The following CLN6 variants were observed in gnomAD, a reference collection of about 807,000 sequenced individuals.
The protein encoded by CLN6 is ceroid-lipofuscinosis neuronal protein 6.
In CLN6, 22 loss-of-function variants were observed where a neutral mutation model predicts 33.3. The observed-to-expected ratio is 0.66, with a 90% confidence interval of 0.47 to 0.94. The LOEUF is 0.94. Among genes scored for constraint, CLN6 ranks in the 40% least tolerant of loss-of-function variants. The pLI, the probability that CLN6 is intolerant of heterozygous loss-of-function variation, is 0.00. For missense variants in CLN6, 387 were observed against 417.1 expected, an observed-to-expected ratio of 0.93 and a Z score of 0.63; for synonymous variants, 201 against 174.6, an observed-to-expected ratio of 1.15 and a Z score of -1.19.
chr15:68,229,402 C>G (rs2093261915), intron 1 of CLN6, 100 bp downstream of exon 1: 1 of 961,318 alleles, frequency 1.0e-6, no homozygotes, highest in Non-Finnish European at 1.4e-6. Context: ...GCGCCGCACA[C>G]GAGGTTCCCG....
rs1028907539 is a variant in CLN6 at position 68,208,746 on chromosome 15, C to T, written c.666-336G>A. Among the ~76,000 whole-genome samples the T allele has an allele frequency of 2.6e-5, 4 of 152,240 alleles. No individual in the cohort carries two copies. Among genetic ancestry groups the T allele is most frequent in the Admixed American group, 1.3e-4 (2 of 15,284 alleles). ...AGAAAGCAACAAACAATTGCCATTACGACGGCAGCCACCCCCGCGGCAGGA... is the reference window on the plus strand; with the variant it reads ...AGAAAGCAACAAACAATTGCCATTATGACGGCAGCCACCCCCGCGGCAGGA... On this transcript the variant is annotated intron_variant, in intron 6 of 6. Transcript: ENST00000249806. The surrounding 1 kb of genome is among the most constrained non-coding windows in gnomAD (Gnocchi z 5.8).
chr15:68,209,640 T>G lies in CLN6; in HGVS notation c.662A>C (p.Tyr221Ser), dbSNP rs764571295. ...LLLVAPSGLY[Y>S]WYLVTEGQIF... ...CCCCATGCTGATGTCCACTCACCAG[T>G]AGTACAGGCCACTGGGTGCCACCAG... The change falls in exon 6 of 7, where the codon TAC becomes TCC. Residue 221 changes from tyrosine (Y) to serine (S), a missense_variant. Coordinates refer to ENST00000249806, the MANE Select transcript of CLN6 (RefSeq NM_017882.3). The surrounding 1 kb of genome is among the most constrained non-coding windows in gnomAD (Gnocchi z 4.9). 26 of 1,612,448 alleles carry G rather than the reference T, an allele frequency of 1.6e-5. No individual in the cohort carries two copies. The highest frequency in any genetic ancestry group is 1.2e-4 in the South Asian group (11 of 91,014).
At position 68,218,538 on chromosome 15, in the gene CLN6, T is replaced by C. The variant is rs1430705796; in HGVS notation, c.196A>G (p.Met66Val). 6.2e-7 allele frequency: 1 copy of C among 1,608,132 alleles called. No individual in the cohort carries two copies. Among genetic ancestry groups the C allele is most frequent in the East Asian group, 2.2e-5 (1 of 44,852 alleles). Reference sequence around the variant, plus strand: ...CCTGTGCACCATTTCACACTCACCATGGCAATGGGACGCCCAAAGTCCAGA... The same window carrying C: ...CCTGTGCACCATTTCACACTCACCACGGCAATGGGACGCCCAAAGTCCAGA... ...WVLDFGRPIA[M>V]LVFPLEWFPL... is the part of the protein sequence containing the mutation. Residue 66 changes from methionine to valine, a missense_variant and splice_region_variant, in exon 2 of 7, where the codon ATG (methionine) becomes GTG (valine). Transcript: ENST00000249806.
upstream of CLN6, among the ~76,000 whole-genome samples, chr15:68,230,313 G>A (rs1012496259): frequency 3.9e-5 from 6 of 152,134 alleles, no homozygotes; most frequent in African/African-American, 1.2e-4. This position sits in a 1 kb window ranked among gnomAD's most constrained non-coding sequence, Gnocchi z 4.0. Context: ...CCGGGAAGTG[G>A]GCTAGAGCAG....
chr15:68,247,384 A>T lies in CLN6; in HGVS notation c.179+9306T>A, dbSNP rs1458774121. Among the ~76,000 whole-genome samples, 1 of 152,160 alleles carries T rather than the reference A, an allele frequency of 6.6e-6. No homozygotes were observed. On this transcript the variant is annotated intron_variant, in intron 1 of 6. Coordinates refer to the CLN6 transcript ENST00000538696. The surrounding 1 kb of genome is among the most constrained non-coding windows in gnomAD (Gnocchi z 4.2). ...CCAATAATGAACTAGCAGAGGAAGA[A>T]ATCAAGAAGGCAATCCCATTTATAA...
chr15:68,243,267 T>C (rs1371058849), intron 1 of CLN6, among the ~76,000 whole-genome samples: 1 of 152,212 alleles, frequency 6.6e-6, no homozygotes, highest in Non-Finnish European at 1.5e-5. Flanking sequence ...ATTTAGCTTT[T>C]TTCCTTAGGT....
rs1460357343 is a variant in CLN6, at chr15:68,207,903, G to C, written c.*237C>G. ...ACTCTAAAACAGAATCCGATCCTGA[G>C]ATGATCCAAATCAAACAGAAACTTG... On this transcript the variant is annotated 3_prime_UTR_variant, in exon 7 of 7. Transcript: ENST00000249806. The C allele has an allele frequency of 1.7e-6, 1 of 586,572 alleles. No individual in the cohort carries two copies. Among genetic ancestry groups the C allele is most frequent in the Non-Finnish European group, 3.0e-6 (1 of 330,036 alleles). 36.3% of individuals were successfully genotyped at this position (586,572 alleles called of 1,614,324 possible).
rs750081097 is a variant in CLN6, at chr15:68,211,296, T to C, written c.509A>G (p.Tyr170Cys). 1.2e-6 allele frequency: 2 copies of C among 1,613,918 alleles called. No individual in the cohort carries two copies. The highest frequency in any genetic ancestry group is 1.3e-5 in the African/African-American group (1 of 75,004). Residue 170 changes from tyrosine (Y) to cysteine (C), a missense_variant, in exon 5 of 7, where the codon TAC becomes TGC. Physicochemically the swap from Tyr to Cys is radical, Grantham distance 194 (BLOSUM62 -2). Transcript: ENST00000249806. This position sits in a 1 kb window ranked among gnomAD's most constrained non-coding sequence, Gnocchi z 5.9. Reference protein sequence around the residue: ...ETLIDSFELLYYYDEYLGHCM... With the variant: ...ETLIDSFELLCYYDEYLGHCM... ...GTGACCCAGGTACTCATCATAATAG[T>C]AGAGCAGCTCAAAGGAGTCGATCTG... is the stretch of plus-strand genomic sequence containing the variant.
At chr15:68,225,946 G>A (rs921027102) in intron 1 of CLN6, among the ~76,000 whole-genome samples, 8 of 152,072 alleles carry the variant, frequency 5.3e-5, no homozygotes, top group Admixed American at 4.6e-4. Context: ...CTCTAGCCTA[G>A]GGGACAAGAG....
At chr15:68,252,950 G>C (rs1034465170) in intron 1 of CLN6, among the ~76,000 whole-genome samples, 1 of 152,234 alleles carries the variant, frequency 6.6e-6, no homozygotes, top group Non-Finnish European at 1.5e-5. Flanking sequence ...AGCAAGACAG[G>C]AAAGGGGAAT....
intron 2 of CLN6, among the ~76,000 whole-genome samples, chr15:68,217,780 G>A (rs1335346212): frequency 1.3e-5 from 2 of 152,228 alleles, no homozygotes; most frequent in African/African-American, 2.4e-5. Flanking sequence ...GTCACACTGT[G>A]CCCCCACTAC....
In CLN6 at chr15:68,208,097, C is replaced by G; in HGVS notation, c.*43G>C. On this transcript the variant is annotated 3_prime_UTR_variant, in exon 7 of 7. Transcript: ENST00000249806. The surrounding 1 kb of genome is among the most constrained non-coding windows in gnomAD (Gnocchi z 5.8). ...CTGTATTCAGATGCCCTCCATGGCC[C>G]ACCCTCCCACCCAGCAGAGCGCCAG... 1 of 1,320,502 alleles carries G rather than the reference C, an allele frequency of 7.6e-7. No homozygotes were observed. Among genetic ancestry groups the G allele is most frequent in the Non-Finnish European group, 1.1e-6 (1 of 940,832 alleles). The allele number at this position is 1,320,502 out of a possible 1,614,324, so 81.8% of individuals were successfully genotyped here.
upstream of CLN6, among the ~76,000 whole-genome samples, chr15:68,231,544 T>C (rs998391717): frequency 3.9e-5 from 6 of 152,198 alleles, no homozygotes; most frequent in Non-Finnish European, 2.9e-5. Context: ...CAATTTCTTA[T>C]CCTCTGCAGG....
At position 68,241,327 on chromosome 15, in the gene CLN6, T is replaced by C. The variant is rs1009319154; in HGVS notation, c.179+15363A>G. On this transcript the variant is annotated intron_variant, in intron 1 of 6. Transcript: ENST00000538696. The surrounding 1 kb of genome is among the most constrained non-coding windows in gnomAD (Gnocchi z 4.2). ...ATATTCCAGAACCCAAATATGAGGA[T>C]GAGGCAGTTCCTGGAGTCATAGAGA... 6.6e-6 allele frequency among the ~76,000 whole-genome samples: 1 copy of C among 151,806 alleles called. No homozygotes were observed. The highest frequency in any genetic ancestry group is 2.4e-5 in the African/African-American group (1 of 41,406).
chr15:68,229,418 C>T, intron 1 of CLN6, 84 bp downstream of exon 1: 1 of 1,106,860 alleles, frequency 9.0e-7, no homozygotes, highest in Non-Finnish European at 1.2e-6. Flanking sequence ...TCCCGCCCGG[C>T]AGCCCTAGGA....
upstream of CLN6, among the ~76,000 whole-genome samples, chr15:68,232,314 C>T (rs143503771): frequency 9.2e-5 from 14 of 152,174 alleles, no homozygotes; most frequent in East Asian, 2.3e-3. The surrounding 1 kb of genome is among the most constrained non-coding windows in gnomAD (Gnocchi z 4.7). Context: ...TGCACCACCA[C>T]GCCTGGCTAA....
At chr15:68,229,833 G>C (rs950753819), upstream of CLN6, 10 of 278,938 alleles carry the variant, frequency 3.6e-5, no homozygotes, top group African/African-American at 2.2e-4. Context: ...GCCGGGCGCT[G>C]CGAGTGTGGC....
At chr15:68,249,891 G>C (rs2141165963) in intron 1 of CLN6, among the ~76,000 whole-genome samples, 1 of 152,262 alleles carries the variant, frequency 6.6e-6, no homozygotes, top group South Asian at 2.1e-4. Context: ...TCCTGTCTCA[G>C]CCTCCCGAGT....
intron 1 of CLN6, among the ~76,000 whole-genome samples, chr15:68,251,240 G>C (rs1405829691): frequency 6.6e-6 from 1 of 152,142 alleles, no homozygotes; most frequent in African/African-American, 2.4e-5. Context: ...TTCAGTAAAA[G>C]TTAACATCCA....
Sources: allele counts gnomAD v4.1 joint callset (sites outside exome capture counted in the v4.1 genomes callset), GRCh38; gene constraint gnomAD v4.1.1; non-coding constraint Gnocchi (gnomAD v3.1); transcripts MANE v1.5; gene names NCBI Gene and HGNC (gene_info 2026-07-23, HGNC 2026-07-21).